The following CNTN4 variants were observed in gnomAD, a reference collection of about 807,000 sequenced individuals.
CNTN4 encodes contactin 4.
A neutral mutation model predicts 122.5 loss-of-function variants in CNTN4; 77 were observed. The observed-to-expected ratio is 0.63, with a 90% confidence interval of 0.52 to 0.76. CNTN4 has a LOEUF of 0.76. Among genes scored for constraint, CNTN4 ranks in the 30% least tolerant of loss-of-function variants. CNTN4 has a pLI of 0.00. For missense variants in CNTN4, 1,256 were observed against 1,259.1 expected, an observed-to-expected ratio of 1.00 and a Z score of 0.04; for synonymous variants, 512 against 447.0, an observed-to-expected ratio of 1.15 and a Z score of -1.83.
At chr3:2,413,106 A>C (rs535144881) in intron 3 of CNTN4, among the ~76,000 whole-genome samples, 1 of 152,148 alleles carries the variant, frequency 6.6e-6, no homozygotes, top group African/African-American at 2.4e-5. Context: ...AAAATGTACT[A>C]TGTAGATTAG....
chr3:2,826,444 C>T (rs1025588501), intron 7 of CNTN4, among the ~76,000 whole-genome samples: 4 of 152,170 alleles, frequency 2.6e-5, no homozygotes, highest in African/African-American at 9.7e-5. Context: ...TTAAAAGAAG[C>T]AAGCATGCCT....
chr3:2,230,300 A>G (rs2039436229), intron 2 of CNTN4, among the ~76,000 whole-genome samples: 1 of 152,226 alleles, frequency 6.6e-6, no homozygotes, highest in African/African-American at 2.4e-5. Context: ...GTGTACAACC[A>G]GAAGAGCTCT....
chr3:2,179,228 C>T (rs1201828363), intron 2 of CNTN4, among the ~76,000 whole-genome samples: 6 of 151,898 alleles, frequency 4.0e-5, no homozygotes, highest in Admixed American at 6.6e-5. Context: ...TTATTAAGTG[C>T]TCATATGATT....
chr3:2,663,534 C>T (rs1425876232), intron 4 of CNTN4, among the ~76,000 whole-genome samples: 1 of 152,118 alleles, frequency 6.6e-6, no homozygotes, highest in Non-Finnish European at 1.5e-5. Flanking sequence ...GAGGTTGAAA[C>T]TTGAGGGTGG....
At chr3:2,310,521 C>A (rs1280832203) in intron 2 of CNTN4, among the ~76,000 whole-genome samples, 3 of 152,126 alleles carry the variant, frequency 2.0e-5, no homozygotes, top group Non-Finnish European at 4.4e-5. Flanking sequence ...GGACCGCCTT[C>A]CCACTTTTTC....
chr3:2,850,754 T>C (rs1450275461), intron 7 of CNTN4, among the ~76,000 whole-genome samples: 1 of 152,216 alleles, frequency 6.6e-6, no homozygotes, highest in African/African-American at 2.4e-5. Flanking sequence ...CCTGTAGAAA[T>C]AGATTTGTGT....
chr3:2,614,158 T>G (rs1331847496), intron 4 of CNTN4, among the ~76,000 whole-genome samples: 3 of 152,128 alleles, frequency 2.0e-5, no homozygotes, highest in African/African-American at 7.2e-5. Context: ...AAGCAGAGTT[T>G]AAGCTGAAAT....
At chr3:2,740,613 A>G (rs916255520) in intron 5 of CNTN4, among the ~76,000 whole-genome samples, 3 of 152,134 alleles carry the variant, frequency 2.0e-5, no homozygotes, top group Non-Finnish European at 4.4e-5. Flanking sequence ...TATAACTTAC[A>G]TACATCTTAT....
intron 4 of CNTN4, among the ~76,000 whole-genome samples, chr3:2,593,061 C>T (rs1284175098): frequency 6.6e-6 from 1 of 152,118 alleles, no homozygotes; most frequent in Non-Finnish European, 1.5e-5. Flanking sequence ...TACATAACAC[C>T]CACTCAGCTC....
At chr3:2,361,332 T>TA (rs1284638892) in intron 3 of CNTN4, among the ~76,000 whole-genome samples, 3 of 152,210 alleles carry the variant, frequency 2.0e-5, no homozygotes, top group African/African-American at 7.2e-5. Context: ...CCTCAGGAGA[T>TA]ACTTGGTAGT....
chr3:2,750,850 T>C (rs978274048), intron 6 of CNTN4, among the ~76,000 whole-genome samples: 1 of 152,200 alleles, frequency 6.6e-6, no homozygotes, highest in Admixed American at 6.5e-5. Context: ...GCATAAGGAA[T>C]GAGTTGAACC....
chr3:2,181,797 A>G lies in CNTN4; in HGVS notation c.-145+81158A>G, dbSNP rs114660200. On this transcript the variant is annotated intron_variant, in intron 2 of 24. Transcript: ENST00000418658. ...GCTTGGGTGAACAAAGTAGGGGCTA[A>G]TGAAAATAAATTCCCGGTCAGAGAA... Among the ~76,000 whole-genome samples the G allele has an allele frequency of 4.8e-3, 734 of 152,280 alleles. 5 individuals are homozygous for G. The highest frequency in any genetic ancestry group is 0.017 in the African/African-American group (702 of 41,576).
At chr3:2,453,231 T>C (rs1170160308) in intron 3 of CNTN4, among the ~76,000 whole-genome samples, 1 of 151,806 alleles carries the variant, frequency 6.6e-6, no homozygotes, top group Admixed American at 6.6e-5. Context: ...AATCATCAAG[T>C]TATAGAATCA....
intron 6 of CNTN4, among the ~76,000 whole-genome samples, chr3:2,752,292 T>A (rs2090133457): frequency 6.6e-6 from 1 of 152,234 alleles, no homozygotes; most frequent in South Asian, 2.1e-4. Context: ...GCAACTAAAC[T>A]ATCATTTCTT....
chr3:2,892,148 G>T (rs1001812642), intron 10 of CNTN4: 2 of 152,192 alleles, frequency 1.3e-5, no homozygotes, highest in African/African-American at 4.8e-5. Context: ...TTTGCTAGAG[G>T]TTCTGAAACT....
intron 2 of CNTN4, among the ~76,000 whole-genome samples, chr3:2,135,510 T>G (rs778903428): frequency 2.0e-5 from 3 of 152,192 alleles, no homozygotes; most frequent in African/African-American, 4.8e-5. Flanking sequence ...ATGGTAAATT[T>G]GTAGTACAGA....
chr3:2,865,573 C>G (rs2093715347), intron 7 of CNTN4, among the ~76,000 whole-genome samples: 1 of 152,214 alleles, frequency 6.6e-6, no homozygotes, highest in African/African-American at 2.4e-5. Context: ...CCCTTACCCT[C>G]CCCTCAACAA....
rs554370279 is a variant in CNTN4, at chr3:2,672,676, C to T, written c.56-63539C>T. On this transcript the variant is annotated intron_variant, in intron 4 of 24. Transcript: ENST00000418658. ...CTCAGTTGGAAATGCAGAAATCATT[C>T]GTCTTCTGTGTTGCTCACACTGGGA... 2.5e-3 allele frequency among the ~76,000 whole-genome samples: 375 copies of T among 152,316 alleles called. 2 individuals are homozygous for T. Among genetic ancestry groups the T allele is most frequent in the Non-Finnish European group, 4.1e-3 (276 of 68,026 alleles).
chr3:2,533,553 G>T (rs537076695), intron 3 of CNTN4, among the ~76,000 whole-genome samples: 3 of 152,062 alleles, frequency 2.0e-5, no homozygotes, highest in Non-Finnish European at 4.4e-5. Context: ...CATTTGGGTT[G>T]GTTCCAAGTC....
Sources: gnomAD v4.1 joint callset for allele counts (sites outside exome capture counted in the v4.1 genomes callset) on GRCh38, gnomAD v4.1.1 for gene constraint, MANE v1.5 for transcripts, NCBI Gene and HGNC (gene_info 2026-07-23, HGNC 2026-07-21) for gene names.